Variants in ATP9A observed in about 807,000 individuals in gnomAD.
ATP9A encodes probable phospholipid-transporting ATPase IIA.
ATP9A carries 52 observed loss-of-function variants against 144.1 expected under a neutral mutation model. The ratio of observed to expected loss-of-function variants is 0.36; its 90% CI spans 0.29 to 0.45. ATP9A has a LOEUF of 0.45. Ranked by LOEUF, ATP9A falls within the 20% of genes least tolerant of loss-of-function variation. The pLI, the probability that ATP9A is intolerant of heterozygous loss-of-function variation, is 1.00. For missense variants in ATP9A, 947 were observed against 1,392.7 expected, an observed-to-expected ratio of 0.68 and a Z score of 5.09; for synonymous variants, 582 against 557.4, an observed-to-expected ratio of 1.04 and a Z score of -0.62.
At chr20:51,762,569 G>A (rs2077885551) in intron 1 of ATP9A, among the ~76,000 whole-genome samples, 1 of 151,748 alleles carries the variant, frequency 6.6e-6, no homozygotes, top group Non-Finnish European at 1.5e-5. Context: ...CGATGCATGA[G>A]AATCGCTTGA....
At position 51,730,263 on chromosome 20, in the gene ATP9A, T is replaced by C. The variant is rs111366134; in HGVS notation, c.69-285A>G. Reference sequence around the variant, plus strand: ...GTGGGCAGACCACAAGGTCAAGAGATCGAGACCATCCTGGCTGACATGGTG... The same window carrying C: ...GTGGGCAGACCACAAGGTCAAGAGACCGAGACCATCCTGGCTGACATGGTG... On this transcript the variant is annotated intron_variant, in intron 1 of 27. Transcript: ENST00000338821. 2.0e-5 allele frequency among the ~76,000 whole-genome samples: 3 copies of C among 152,168 alleles called. No homozygotes were observed. In the East Asian group the frequency reaches 5.8e-4, roughly 29 times the overall value.
In ATP9A at chr20:51,617,522, C is replaced by G. The variant is rs2077208195; in HGVS notation, c.2383G>C (p.Glu795Gln). The change falls in exon 22 of 28, where the codon GAA becomes CAA. Residue 795 changes from glutamate to glutamine, a missense_variant. By Grantham distance (29) the Glu-to-Gln change is conservative. Transcript: ENST00000338821. The stretch of plus-strand genomic sequence containing the variant: ...TCCACTCCCACGCCGCAGTCAGATT[C>G]CTGAATCATGCTGACGTCATTGCCT... ...DGGNDVSMIQESDCGVGVEGK... is the reference protein window; with the variant it reads ...DGGNDVSMIQQSDCGVGVEGK... 6.2e-7 allele frequency: 1 copy of G among 1,612,212 alleles called. No homozygotes were observed. Among genetic ancestry groups the G allele is most frequent in the Non-Finnish European group, 8.5e-7 (1 of 1,179,258 alleles).
intron 12 of ATP9A, among the ~76,000 whole-genome samples, chr20:51,670,798 G>A (rs186064629): frequency 8.5e-5 from 13 of 152,172 alleles, no homozygotes; most frequent in Admixed American, 3.9e-4. Context: ...GCTACTATGC[G>A]CCCGTGACAA....
chr20:51,608,717 C>A, intron 24 of ATP9A, 91 bp from the exon 25 acceptor site: 1 of 800,224 alleles, frequency 1.2e-6, no homozygotes, highest in South Asian at 1.4e-5. Context: ...CCCAACCATG[C>A]CTCTAACAAA....
At chr20:51,664,120 G>T (rs1304570869) in intron 13 of ATP9A, among the ~76,000 whole-genome samples, 1 of 151,968 alleles carries the variant, frequency 6.6e-6, no homozygotes, top group Admixed American at 6.6e-5. Flanking sequence ...GTTCAAGCAA[G>T]TCTCCTGCCT....
At chr20:51,608,287 A>T (rs1483491536) in intron 25 of ATP9A, among the ~76,000 whole-genome samples, 2 of 152,114 alleles carry the variant, frequency 1.3e-5, no homozygotes, top group South Asian at 4.1e-4. Flanking sequence ...TTTATCTATT[A>T]CTGTACTTTT....
At chr20:51,645,476 C>T (rs891974299) in intron 14 of ATP9A, among the ~76,000 whole-genome samples, 6 of 151,988 alleles carry the variant, frequency 3.9e-5, no homozygotes, top group Admixed American at 3.9e-4. Flanking sequence ...GCCAAGATCG[C>T]GCCTGGGCGA....
At chr20:51,738,382 A>G (rs548146726) in intron 1 of ATP9A, among the ~76,000 whole-genome samples, 12 of 152,276 alleles carry the variant, frequency 7.9e-5, no homozygotes, top group African/African-American at 2.4e-4. Context: ...GATTGGGGCA[A>G]GTAGGGCAGC....
At chr20:51,610,634 G>A (rs2077181398) in intron 23 of ATP9A, among the ~76,000 whole-genome samples, 1 of 152,072 alleles carries the variant, frequency 6.6e-6, no homozygotes, top group Non-Finnish European at 1.5e-5. Context: ...ACAGCCCTAT[G>A]GGACTCAAGC....
At chr20:51,662,693 A>C (rs1274464462) in intron 13 of ATP9A, among the ~76,000 whole-genome samples, 3 of 151,964 alleles carry the variant, frequency 2.0e-5, no homozygotes, top group African/African-American at 7.3e-5. Flanking sequence ...CCTTGACATG[A>C]GTGAAAAGAA....
At chr20:51,709,306 G>A (rs1420752955) in intron 4 of ATP9A, among the ~76,000 whole-genome samples, 2 of 152,116 alleles carry the variant, frequency 1.3e-5, no homozygotes, top group African/African-American at 4.8e-5. Context: ...CCTGAGGTCA[G>A]GAGTTCAAGA....
chr20:51,672,753 T>TG (rs1221775470), intron 11 of ATP9A, among the ~76,000 whole-genome samples: 1 of 152,140 alleles, frequency 6.6e-6, no homozygotes, highest in East Asian at 1.9e-4. Context: ...CTAATTATCA[T>TG]GGGGAAAAAG....
chr20:51,744,871 T>C (rs1217198723), intron 1 of ATP9A, among the ~76,000 whole-genome samples: 3 of 152,232 alleles, frequency 2.0e-5, no homozygotes, highest in African/African-American at 7.2e-5. Context: ...GGCTCATGCC[T>C]GTAATCCCAG....
At position 51,598,716 on chromosome 20, in the gene ATP9A, C is replaced by T. The variant is rs2077129599; in HGVS notation, c.*2495G>A. 1 of 152,092 alleles carries T rather than the reference C, an allele frequency of 6.6e-6. No individual in the cohort carries two copies. Among genetic ancestry groups the T allele is most frequent in the Admixed American group, 6.6e-5 (1 of 15,266 alleles). 9.4% of individuals were successfully genotyped at this position (152,092 alleles called of 1,614,324 possible). A position where few individuals can be genotyped will look rare whatever the true frequency, so the allele number is the denominator to read the frequency against. On this transcript the variant is annotated 3_prime_UTR_variant, in exon 28 of 28. Coordinates refer to ENST00000338821, the MANE Select transcript of ATP9A (RefSeq NM_006045.3). Reference sequence around the variant, plus strand: ...GCAGGTAAAGATCGTGTCCTCTCACCGGACTGCATCCTCCTGCCTTTGCGT... The same window carrying T: ...GCAGGTAAAGATCGTGTCCTCTCACTGGACTGCATCCTCCTGCCTTTGCGT...
chr20:51,638,313 C>A, intron 15 of ATP9A, among the ~76,000 whole-genome samples: 1 of 145,766 alleles, frequency 6.9e-6, no homozygotes, highest in African/African-American at 2.5e-5. Flanking sequence ...AAAAAAAGTC[C>A]AGAAAAGATG....
At position 51,729,929 on chromosome 20, in the gene ATP9A, T is replaced by C. The variant is rs770396570; in HGVS notation, c.118A>G (p.Thr40Ala). 5 of 1,592,054 alleles carry C rather than the reference T, an allele frequency of 3.1e-6. No individual in the cohort carries two copies. The East Asian group carries it at 6.8e-5, about 22-fold the overall frequency. The change falls in exon 2 of 28, where the codon ACT becomes GCT. Residue 40 changes from threonine to alanine, a missense_variant. Coordinates refer to ENST00000338821, the MANE Select transcript of ATP9A (RefSeq NM_006045.3). Reference protein sequence around the residue: ...CCGGGEARPRTVWLGHPEKRD... With the variant: ...CCGGGEARPRAVWLGHPEKRD... ...TTCTCGGGGTGCCCCAGCCAGACAGTGCGGGGCCTGGCCTCCCCTCCACCG... is the reference window on the plus strand; with the variant it reads ...TTCTCGGGGTGCCCCAGCCAGACAGCGCGGGGCCTGGCCTCCCCTCCACCG...
At position 51,610,155 on chromosome 20, in the gene ATP9A, G is replaced by C. The variant is rs1390066107; in HGVS notation, c.2582C>G (p.Ser861Cys). 1.2e-6 allele frequency: 2 copies of C among 1,609,620 alleles called. No homozygotes were observed. Among genetic ancestry groups the C allele is most frequent in the Middle Eastern group, 1.7e-4 (1 of 6,054 alleles). The change falls in exon 24 of 28, where the codon TCC (serine) becomes TGC (cysteine). Residue 861 changes from serine to cysteine, a missense_variant. Transcript: ENST00000338821. ...GACGGAGGCAAAGTAAAACACGGAGGAAAAGACAGCCTGTGCCAAGGAGAG... is the reference window on the plus strand; with the variant it reads ...GACGGAGGCAAAGTAAAACACGGAGCAAAAGACAGCCTGTGCCAAGGAGAG... ...LCISTMQAVF[S>C]SVFYFASVPL... is the part of the protein sequence containing the mutation.
chr20:51,707,661 G>A (rs564846480), intron 4 of ATP9A, among the ~76,000 whole-genome samples: 2 of 152,288 alleles, frequency 1.3e-5, no homozygotes, highest in African/African-American at 4.8e-5. Flanking sequence ...GCTCAGAACC[G>A]AGAATGCAGT....
At chr20:51,760,641 C>T (rs574922854) in intron 1 of ATP9A, among the ~76,000 whole-genome samples, 10 of 149,768 alleles carry the variant, frequency 6.7e-5, no homozygotes, top group Non-Finnish European at 1.3e-4. Flanking sequence ...GCAGGAGAAT[C>T]ACTTGAACTG....
Sources: allele counts gnomAD v4.1 joint callset (sites outside exome capture counted in the v4.1 genomes callset), GRCh38; gene constraint gnomAD v4.1.1; transcripts MANE v1.5; gene names NCBI Gene and HGNC (gene_info 2026-07-23, HGNC 2026-07-21).